LHFPL6: variants seen among roughly 807,000 people sequenced by gnomAD.
LHFPL6 encodes the protein LHFPL tetraspan subfamily member 6.
In LHFPL6, 9 loss-of-function variants were observed where a neutral mutation model predicts 20.6. That is an observed-to-expected ratio of 0.44 (90% CI 0.26 to 0.76). The LOEUF is 0.76. Among genes scored for constraint, LHFPL6 ranks in the 30% least tolerant of loss-of-function variants. The pLI is 0.20. For synonymous variants in LHFPL6, 105 were observed against 98.7 expected (o/e 1.06, Z -0.38); for missense variants, 218 against 253.5 (o/e 0.86, Z 0.95).
Position 39,389,407 on chromosome 13 carries a change from G to A in LHFPL6, c.386-10881C>T, listed in dbSNP as rs557285134. On this transcript the variant is annotated intron_variant, in intron 2 of 3. Coordinates refer to ENST00000379589, the MANE Select transcript of LHFPL6 (RefSeq NM_005780.3). ...TTTAATCATTACCTAAGGCCAAAACGTATAAAGAAGGGGTATGGCCAAGCT... is the reference window on the plus strand; with the variant it reads ...TTTAATCATTACCTAAGGCCAAAACATATAAAGAAGGGGTATGGCCAAGCT... Among the ~76,000 whole-genome samples the A allele has an allele frequency of 6.1e-4, 93 of 152,272 alleles. 1 individual carries two copies. Among genetic ancestry groups the A allele is most frequent in the Admixed American group, 1.8e-3 (27 of 15,304 alleles).
chr13:39,388,201 T>C (rs1043883497), intron 2 of LHFPL6, among the ~76,000 whole-genome samples: 3 of 152,224 alleles, frequency 2.0e-5, no homozygotes, highest in Admixed American at 6.5e-5. Context: ...GAAGAGAGTA[T>C]ACTTCGGGTT....
intron 2 of LHFPL6, among the ~76,000 whole-genome samples, chr13:39,455,791 C>T (rs1872556057): frequency 6.6e-6 from 1 of 152,166 alleles, no homozygotes; most frequent in African/African-American, 2.4e-5. Context: ...GAGAAAGGAA[C>T]TTGTTTTTTC....
At chr13:39,597,049 C>A (rs1047912885) in intron 2 of LHFPL6, among the ~76,000 whole-genome samples, 1 of 152,222 alleles carries the variant, frequency 6.6e-6, no homozygotes. Flanking sequence ...CTGTCTTCAG[C>A]AGCACTTAAC....
chr13:39,585,783 G>T (rs776215338), intron 2 of LHFPL6, among the ~76,000 whole-genome samples: 38 of 152,240 alleles, frequency 2.5e-4, no homozygotes, highest in Non-Finnish European at 5.1e-4. Context: ...CCTGATTAGA[G>T]AATCATTCTT....
intron 2 of LHFPL6, among the ~76,000 whole-genome samples, chr13:39,561,575 G>C (rs920202505): frequency 6.6e-6 from 1 of 152,110 alleles, no homozygotes; most frequent in Non-Finnish European, 1.5e-5. Flanking sequence ...TGATCCTCCT[G>C]CCTCAGCCTC....
chr13:39,399,544 AGC>A (rs1870929745), intron 2 of LHFPL6, among the ~76,000 whole-genome samples: 1 of 152,220 alleles, frequency 6.6e-6, no homozygotes, highest in Non-Finnish European at 1.5e-5. Context: ...AATTTAGGAT[AGC>A]AGAATTGGCA....
At chr13:39,567,073 C>T (rs1259706641) in intron 2 of LHFPL6, among the ~76,000 whole-genome samples, 1 of 144,768 alleles carries the variant, frequency 6.9e-6, no homozygotes, top group African/African-American at 2.6e-5. Context: ...TTGCTAACAT[C>T]AAACAACGTT....
intron 2 of LHFPL6, among the ~76,000 whole-genome samples, chr13:39,463,737 A>T (rs1429477830): frequency 6.6e-6 from 1 of 152,154 alleles, no homozygotes; most frequent in Non-Finnish European, 1.5e-5. Context: ...TTCATTCTTT[A>T]TAGTGGGGAA....
intron 2 of LHFPL6, among the ~76,000 whole-genome samples, chr13:39,595,338 C>T (rs1359167603): frequency 6.6e-6 from 1 of 152,082 alleles, no homozygotes; most frequent in African/African-American, 2.4e-5. Flanking sequence ...TGCTCTGTCA[C>T]CCAGGCTGCA....
intron 2 of LHFPL6, among the ~76,000 whole-genome samples, chr13:39,560,504 C>CTTTTTTTTTTTTTTTTTTTTTTTT (rs376446144): frequency 1.7e-5 from 2 of 118,180 alleles, no homozygotes; most frequent in African/African-American, 3.1e-5. Context: ...TGCAAATTCT[C>CTTTTTTTTTTTTTTTTTTTTTTTT]TTTTTTTTTT....
At chr13:39,497,356 T>C (rs763654266) in intron 2 of LHFPL6, among the ~76,000 whole-genome samples, 5 of 152,110 alleles carry the variant, frequency 3.3e-5, no homozygotes, top group Admixed American at 2.0e-4. Context: ...ATACATGAGC[T>C]CAAATTTAAT....
intron 3 of LHFPL6, among the ~76,000 whole-genome samples, chr13:39,367,075 GGCTAAGATCCTAAGTGGAA>G (rs1870032354): frequency 6.6e-6 from 1 of 152,198 alleles, no homozygotes; most frequent in South Asian, 2.1e-4. Context: ...TAATGAAACT[GGCTAAGATCCTAAGTGGAA>G]GCATATTCAA....
At chr13:39,556,096 A>C (rs1044982626) in intron 2 of LHFPL6, among the ~76,000 whole-genome samples, 1 of 152,176 alleles carries the variant, frequency 6.6e-6, no homozygotes, top group African/African-American at 2.4e-5. Context: ...CCAGAAGCTG[A>C]GCAGATGTCA....
chr13:39,566,544 G>A (rs1045680436), intron 2 of LHFPL6, among the ~76,000 whole-genome samples: 2 of 151,528 alleles, frequency 1.3e-5, no homozygotes, highest in Admixed American at 6.6e-5. Flanking sequence ...AGTTTGAGAC[G>A]AGCCTAGGCA....
At chr13:39,533,448 C>T (rs1870525080) in intron 2 of LHFPL6, among the ~76,000 whole-genome samples, 1 of 152,180 alleles carries the variant, frequency 6.6e-6, no homozygotes, top group South Asian at 2.1e-4. Context: ...GAACTCACAC[C>T]TTTCTTCTAA....
At chr13:39,415,418 C>T (rs1447712261) in intron 2 of LHFPL6, among the ~76,000 whole-genome samples, 1 of 151,500 alleles carries the variant, frequency 6.6e-6, no homozygotes, top group African/African-American at 2.4e-5. Flanking sequence ...TGCATACGCA[C>T]ATGTGGAAGA....
chr13:39,577,357 G>A lies in LHFPL6; in HGVS notation c.385+23475C>T, dbSNP rs936788896. ...AGTAGCAAGTACTTGAGGGCCAAGT[G>A]TACGCATTTCAGGAAACTGCTTTTC... On this transcript the variant is annotated intron_variant, in intron 2 of 3. Transcript: ENST00000379589. Among the ~76,000 whole-genome samples, 3 of 152,164 alleles carry A rather than the reference G, an allele frequency of 2.0e-5. No homozygotes were observed. The East Asian group carries it at 5.8e-4, about 29-fold the overall frequency.
At chr13:39,589,200 G>A (rs1381710521) in intron 2 of LHFPL6, among the ~76,000 whole-genome samples, 2 of 152,050 alleles carry the variant, frequency 1.3e-5, no homozygotes, top group African/African-American at 2.4e-5. Context: ...TCTGCCTCCC[G>A]GGTTTAAGCG....
chr13:39,517,159 G>C (rs551293149), intron 2 of LHFPL6, among the ~76,000 whole-genome samples: 63 of 152,258 alleles, frequency 4.1e-4, no homozygotes, highest in African/African-American at 1.4e-3. Context: ...GGACCGTAGG[G>C]GGGTAATGAG....
Sources: allele counts gnomAD v4.1 joint callset (sites outside exome capture counted in the v4.1 genomes callset), GRCh38; gene constraint gnomAD v4.1.1; transcripts MANE v1.5; gene names NCBI Gene and HGNC (gene_info 2026-07-23, HGNC 2026-07-21).